The following KCNK10 variants were observed in gnomAD, a reference collection of about 807,000 sequenced individuals.
KCNK10 encodes potassium two pore domain channel subfamily K member 10, also known as potassium channel subfamily K member 10.
Under a neutral mutation model 47.7 loss-of-function variants are expected in KCNK10, and 25 were observed. The observed-to-expected ratio is 0.52, with a 90% CI of 0.38 to 0.73. KCNK10 has a LOEUF of 0.73. Ranked by LOEUF, KCNK10 falls within the 30% of genes least tolerant of loss-of-function variation. KCNK10 has a pLI of 0.00. For synonymous variants in KCNK10, 303 were observed against 285.6 expected, an observed-to-expected ratio of 1.06 and a Z score of -0.61; for missense variants, 563 against 714.5, an observed-to-expected ratio of 0.79 and a Z score of 2.42.
intron 4 of KCNK10, among the ~76,000 whole-genome samples, chr14:88,197,614 C>CAAAAAAAAAA (rs1884960053): frequency 1.6e-4 from 8 of 50,830 alleles, no homozygotes; most frequent in Admixed American, 3.8e-4. Flanking sequence ...AAAAAAAAAT[C>CAAAAAAAAAA]AACTGTTCCA....
At chr14:88,293,855 T>A (rs11848003) in intron 1 of KCNK10, among the ~76,000 whole-genome samples, 2,237 of 151,910 alleles carry the variant, frequency 0.015, 64 homozygotes, top group African/African-American at 0.052. Flanking sequence ...TAAAAATAAA[T>A]TTTTTTAGAG....
chr14:88,182,696 C>T lies in KCNK10; in HGVS notation c.*2839G>A, dbSNP rs2139815454. 1 of 152,410 alleles carries T rather than the reference C, an allele frequency of 6.6e-6. No individual in the cohort carries two copies. The highest frequency in any genetic ancestry group is 6.5e-5 in the Admixed American group (1 of 15,294). 9.4% of individuals were successfully genotyped at this position (152,410 alleles called of 1,614,324 possible). On this transcript the variant is annotated 3_prime_UTR_variant, in exon 7 of 7. Transcript: ENST00000319231. ...CCCAGCCCAAGGTTATGTTTGATCC[C>T]TCTGTGTGACTGATTTGACTCATTT...
rs992971251 is a variant in KCNK10 at position 88,180,971 on chromosome 14, T to A, written c.*4564A>T. ...TTACTAGCCAGCTCTTACTGTTCAC[T>A]CAGCCACTGTCTTTGCACACAATTG... is the stretch of plus-strand genomic sequence containing the variant. On this transcript the variant is annotated 3_prime_UTR_variant, in exon 7 of 7. Transcript: ENST00000319231. The A allele has an allele frequency of 1.2e-4, 48 of 397,182 alleles. No individual in the cohort carries two copies. The highest frequency in any genetic ancestry group is 2.0e-4 in the Non-Finnish European group (44 of 225,494). The allele number at this position is 397,182 out of a possible 1,614,324, so 24.6% of individuals were successfully genotyped here.
intron 2 of KCNK10, among the ~76,000 whole-genome samples, chr14:88,258,464 T>C (rs896562211): frequency 2.6e-5 from 4 of 152,154 alleles, no homozygotes; most frequent in Non-Finnish European, 5.9e-5. Context: ...CTAATTTTTG[T>C]ATTTTTAGTA....
chr14:88,255,758 G>T (rs1368040098), intron 2 of KCNK10, among the ~76,000 whole-genome samples: 1 of 152,106 alleles, frequency 6.6e-6, no homozygotes. Context: ...TTCTGAGGAG[G>T]CTGAGGCAGG....
chr14:88,237,352 G>T (rs921774986), intron 3 of KCNK10, among the ~76,000 whole-genome samples: 1 of 152,184 alleles, frequency 6.6e-6, no homozygotes, highest in Non-Finnish European at 1.5e-5. Flanking sequence ...TCATCCATGA[G>T]CCTTGGAATC....
At chr14:88,325,300 T>G (rs572852067), upstream of KCNK10, among the ~76,000 whole-genome samples, 5 of 152,212 alleles carry the variant, frequency 3.3e-5, no homozygotes, top group Non-Finnish European at 5.9e-5. Context: ...GTTTTTTACA[T>G]GCATCAGAGT....
chr14:88,209,350 A>G (rs1472121594), intron 4 of KCNK10, among the ~76,000 whole-genome samples: 1 of 152,200 alleles, frequency 6.6e-6, no homozygotes, highest in Non-Finnish European at 1.5e-5. Context: ...TTTTTTTACT[A>G]GAATCTGCGT....
At chr14:88,240,577 G>A (rs1369319388) in intron 3 of KCNK10, 126 bp downstream of exon 3, 9 of 624,302 alleles carry the variant, frequency 1.4e-5, no homozygotes, top group Middle Eastern at 3.6e-4. Flanking sequence ...TAATTTAAAC[G>A]ACAGTGTTTC....
At chr14:88,201,451 G>A (rs919934327) in intron 4 of KCNK10, among the ~76,000 whole-genome samples, 3 of 152,116 alleles carry the variant, frequency 2.0e-5, no homozygotes, top group Non-Finnish European at 4.4e-5. Flanking sequence ...CTTGAGGTCA[G>A]GAGTTCGAGA....
At chr14:88,266,731 C>T (rs1595114552) in intron 1 of KCNK10, among the ~76,000 whole-genome samples, 1 of 152,198 alleles carries the variant, frequency 6.6e-6, no homozygotes, top group East Asian at 1.9e-4. Flanking sequence ...GCCTCAGGGG[C>T]TTGCCAGTCA....
At chr14:88,235,432 A>G (rs1886273815) in intron 3 of KCNK10, 1 of 340,506 alleles carries the variant, frequency 2.9e-6, no homozygotes, top group Non-Finnish European at 5.8e-6. Flanking sequence ...GTGACCAAGT[A>G]TGAAATAATC....
intron 3 of KCNK10, among the ~76,000 whole-genome samples, chr14:88,234,388 T>A (rs530083119): frequency 1.3e-5 from 2 of 152,354 alleles, no homozygotes; most frequent in East Asian, 3.9e-4. Context: ...TTTTCCTTCA[T>A]CCAAAATGTT....
chr14:88,279,181 G>A (rs982403505), intron 1 of KCNK10, among the ~76,000 whole-genome samples: 1 of 152,134 alleles, frequency 6.6e-6, no homozygotes, highest in African/African-American at 2.4e-5. Context: ...CATTTGATGA[G>A]GTCCTACTAT....
chr14:88,280,565 G>A (rs1887628646), intron 1 of KCNK10, among the ~76,000 whole-genome samples: 1 of 152,108 alleles, frequency 6.6e-6, no homozygotes, highest in Non-Finnish European at 1.5e-5. Flanking sequence ...CTCATGCTTA[G>A]TAAGTGAAAA....
chr14:88,299,860 A>G (rs749494930), intron 1 of KCNK10, among the ~76,000 whole-genome samples: 2 of 152,226 alleles, frequency 1.3e-5, no homozygotes, highest in African/African-American at 2.4e-5. Context: ...ATATAGTGAC[A>G]CAGCTGATAT....
At chr14:88,305,563 G>C (rs912086188) in intron 1 of KCNK10, among the ~76,000 whole-genome samples, 1 of 152,114 alleles carries the variant, frequency 6.6e-6, no homozygotes, top group African/African-American at 2.4e-5. Flanking sequence ...CCATTAGCCT[G>C]CCTGAGAGGT....
chr14:88,217,443 T>C (rs1885658427), intron 4 of KCNK10, among the ~76,000 whole-genome samples: 3 of 152,206 alleles, frequency 2.0e-5, no homozygotes, highest in Admixed American at 2.0e-4. Context: ...AACATTTTCA[T>C]TACCAATAGG....
chr14:88,187,762 C>G lies in KCNK10; in HGVS notation c.1011+205G>C, dbSNP rs574223478. On this transcript the variant is annotated intron_variant, in intron 6 of 6. Coordinates refer to ENST00000319231, the MANE Select transcript of KCNK10 (RefSeq NM_138317.3). ...ACGAATCACCATATTTTCTCACCTGCCAAAAAAAGAATCCAGAAATAACTG... is the reference window on the plus strand; with the variant it reads ...ACGAATCACCATATTTTCTCACCTGGCAAAAAAAGAATCCAGAAATAACTG... Among the ~76,000 whole-genome samples, 10 of 152,098 alleles carry G rather than the reference C, an allele frequency of 6.6e-5. No individual in the cohort carries two copies. In the East Asian group the frequency reaches 1.9e-3, roughly 29 times the overall value.
Sources: allele counts gnomAD v4.1 joint callset (sites outside exome capture counted in the v4.1 genomes callset), GRCh38; gene constraint gnomAD v4.1.1; transcripts MANE v1.5; gene names NCBI Gene and HGNC (gene_info 2026-07-23, HGNC 2026-07-21).